AJAP1: variants seen among roughly 807,000 people sequenced by gnomAD.
The protein encoded by AJAP1 is adherens junction-associated protein 1.
A neutral mutation model predicts 35.0 loss-of-function variants in AJAP1; 5 were observed. The ratio of observed to expected loss-of-function variants is 0.14; its 90% CI spans 0.07 to 0.30. The LOEUF (loss-of-function observed/expected upper bound fraction) is 0.30. AJAP1 is among the 10% of genes least tolerant of loss of function. AJAP1 has a pLI of 1.00. For missense variants in AJAP1, 586 were observed against 571.0 expected, an observed-to-expected ratio of 1.03 and a Z score of -0.27; for synonymous variants, 284 against 249.3, an observed-to-expected ratio of 1.14 and a Z score of -1.31.
In AJAP1 at chr1:4,789,310, T is replaced by A. The variant is rs1642216437; in HGVS notation, c.*6825T>A. Reference sequence around the variant, plus strand: ...TTAATGTTCTAAGCCAAGAGAGTTCTAAGCCAAGACATGTGCTTGGGACTG... The same window carrying A: ...TTAATGTTCTAAGCCAAGAGAGTTCAAAGCCAAGACATGTGCTTGGGACTG... On this transcript the variant is annotated 3_prime_UTR_variant, in exon 6 of 6. Transcript: ENST00000378191. This position sits in a 1 kb window ranked among gnomAD's most constrained non-coding sequence, Gnocchi z 4.4. 6.6e-6 allele frequency: 1 copy of A among 152,266 alleles called. No individual in the cohort carries two copies. Among genetic ancestry groups the A allele is most frequent in the South Asian group, 2.1e-4 (1 of 4,834 alleles). The allele number at this position is 152,266 out of a possible 1,614,324, so 9.4% of individuals were successfully genotyped here. A position where few individuals can be genotyped will look rare whatever the true frequency, so the allele number is the denominator to read the frequency against.
At chr1:4,685,636 C>G (rs1185448909) in intron 1 of AJAP1, among the ~76,000 whole-genome samples, 2 of 126,992 alleles carry the variant, frequency 1.6e-5, no homozygotes, top group Admixed American at 1.7e-4. Flanking sequence ...AGCTCATTGC[C>G]GGGACCCAAG....
chr1:4,734,263 T>A lies in AJAP1; in HGVS notation c.829+21564T>A, dbSNP rs1640869026. Among the ~76,000 whole-genome samples, 1 of 152,226 alleles carries A rather than the reference T, an allele frequency of 6.6e-6. No individual in the cohort carries two copies. Among genetic ancestry groups the A allele is most frequent in the Non-Finnish European group, 1.5e-5 (1 of 68,036 alleles). On this transcript the variant is annotated intron_variant, in intron 2 of 5. Coordinates refer to ENST00000378191, the MANE Select transcript of AJAP1 (RefSeq NM_018836.4). The surrounding 1 kb of genome is among the most constrained non-coding windows in gnomAD (Gnocchi z 4.3). ...CCGGAATAGGAAGGGCCTGCCCTAC[T>A]GAGCCTCCTGCCTCACTATTAACAG...
chr1:4,754,914 C>A (rs534965887), intron 2 of AJAP1, among the ~76,000 whole-genome samples: 8 of 152,218 alleles, frequency 5.3e-5, no homozygotes, highest in Admixed American at 5.2e-4. Context: ...ACTCCCTGGG[C>A]CTTTCATGTC....
intron 1 of AJAP1, among the ~76,000 whole-genome samples, chr1:4,701,747 G>A (rs990195549): frequency 6.6e-6 from 1 of 152,204 alleles, no homozygotes; most frequent in African/African-American, 2.4e-5. Flanking sequence ...TAAATGGTCT[G>A]TGGTACCACA....
chr1:4,664,921 C>G (rs1639082700), intron 1 of AJAP1, among the ~76,000 whole-genome samples: 1 of 152,162 alleles, frequency 6.6e-6, no homozygotes, highest in Non-Finnish European at 1.5e-5. Context: ...GATTCAGTTA[C>G]TAGGCAGGGT....
chr1:4,684,861 T>C (rs1639571069), intron 1 of AJAP1, among the ~76,000 whole-genome samples: 1 of 152,134 alleles, frequency 6.6e-6, no homozygotes, highest in Non-Finnish European at 1.5e-5. Flanking sequence ...CCACCAGAGC[T>C]GTCAAAGGGG....
At chr1:4,678,898 ATCC>A (rs1290229647) in intron 1 of AJAP1, among the ~76,000 whole-genome samples, 8 of 152,234 alleles carry the variant, frequency 5.3e-5, no homozygotes, top group Non-Finnish European at 1.0e-4. Context: ...ATCTTATGTA[ATCC>A]TCATAACAAC....
At chr1:4,728,243 A>C (rs1640714988) in intron 2 of AJAP1, among the ~76,000 whole-genome samples, 1 of 152,196 alleles carries the variant, frequency 6.6e-6, no homozygotes, top group Non-Finnish European at 1.5e-5. Flanking sequence ...CTGGAAGCCA[A>C]TGAGACATGG....
chr1:4,746,293 A>G (rs1641186798), intron 2 of AJAP1, among the ~76,000 whole-genome samples: 1 of 152,050 alleles, frequency 6.6e-6, no homozygotes, highest in African/African-American at 2.4e-5. Flanking sequence ...GACACTTGTC[A>G]TTGGATTTAG....
intron 2 of AJAP1, among the ~76,000 whole-genome samples, chr1:4,738,466 C>T (rs1479182226): frequency 1.3e-5 from 2 of 152,188 alleles, no homozygotes; most frequent in African/African-American, 4.8e-5. Flanking sequence ...AGAGAGAGCA[C>T]TCTAGGCGGG....
chr1:4,661,045 A>G (rs1345385218), intron 1 of AJAP1, among the ~76,000 whole-genome samples: 1 of 152,324 alleles, frequency 6.6e-6, no homozygotes, highest in South Asian at 2.1e-4. Context: ...TCAGGGAAAC[A>G]TGAGCCTCAA....
rs187546340 is a variant in AJAP1 at position 4,719,051 on chromosome 1, T to A, written c.829+6352T>A. On this transcript the variant is annotated intron_variant, in intron 2 of 5. Coordinates refer to ENST00000378191, the MANE Select transcript of AJAP1 (RefSeq NM_018836.4). ...TGAATGTCACAAAACCCTGGACTGA[T>A]AACAAATCTGTTTGATATATAGTGG... Among the ~76,000 whole-genome samples, 46 of 152,320 alleles carry A rather than the reference T, an allele frequency of 3.0e-4. No homozygotes were observed. In the East Asian group the frequency reaches 6.0e-3, roughly 20 times the overall value.
chr1:4,708,776 A>G (rs1258826649), intron 1 of AJAP1, among the ~76,000 whole-genome samples: 1 of 152,168 alleles, frequency 6.6e-6, no homozygotes, highest in South Asian at 2.1e-4. Flanking sequence ...AGAAATGAGC[A>G]GTGGCCCCTA....
In AJAP1 at chr1:4,734,654, C is replaced by T. The variant is rs911081528; in HGVS notation, c.829+21955C>T. The stretch of plus-strand genomic sequence containing the variant: ...GTCAGGCCTCGTCACTGCAGGAGCT[C>T]GGACTGCACTGGATGGGGCTGGAGT... On this transcript the variant is annotated intron_variant, in intron 2 of 5. Transcript: ENST00000378191. The surrounding 1 kb of genome is among the most constrained non-coding windows in gnomAD (Gnocchi z 4.3). Among the ~76,000 whole-genome samples, 2 of 152,146 alleles carry T rather than the reference C, an allele frequency of 1.3e-5. No homozygotes were observed. The highest frequency in any genetic ancestry group is 4.8e-5 in the African/African-American group (2 of 41,432).
chr1:4,770,873 A>G (rs1641819122), intron 3 of AJAP1, among the ~76,000 whole-genome samples: 1 of 152,134 alleles, frequency 6.6e-6, no homozygotes, highest in South Asian at 2.1e-4. Flanking sequence ...CGAGGCCTCA[A>G]AGCCACCTCC....
Position 4,790,929 on chromosome 1 carries a change from T to TTTTTGA in AJAP1, c.*8449_*8450insATTTTG, listed in dbSNP as rs1250262773. ...AAGTGTTTCTGTTTTTTTGTTTTTG[T>TTTTTGA]TTTTGTTTTTGTTTTTGTTTTTGTT... On this transcript the variant is annotated 3_prime_UTR_variant, in exon 6 of 6. Coordinates refer to ENST00000378191, the MANE Select transcript of AJAP1 (RefSeq NM_018836.4). The TTTTTGA allele has an allele frequency of 1.3e-5, 2 of 149,746 alleles. No individual in the cohort carries two copies. The highest frequency in any genetic ancestry group is 2.5e-5 in the African/African-American group (1 of 40,476). 9.3% of individuals were successfully genotyped at this position (149,746 alleles called of 1,614,324 possible).
At chr1:4,671,241 C>T (rs1325439472) in intron 1 of AJAP1, among the ~76,000 whole-genome samples, 6 of 151,990 alleles carry the variant, frequency 3.9e-5, no homozygotes, top group South Asian at 2.1e-4. Flanking sequence ...TGGTGGCAGG[C>T]GCCTGCAATC....
chr1:4,769,657 G>C (rs1417597906), intron 2 of AJAP1, among the ~76,000 whole-genome samples, 196 bp from the exon 3 acceptor site: 1 of 152,044 alleles, frequency 6.6e-6, no homozygotes, highest in African/African-American at 2.4e-5. Context: ...CCCCGGGTGA[G>C]AGCAGCCTCA....
At position 4,782,905 on chromosome 1, in the gene AJAP1, C is replaced by T. The variant is rs1210238823; in HGVS notation, c.*420C>T. ...AATACCATTATGTGCCATGTACTGACCCGAAAGGCTCGGCCGCAGAGCCGG... is the reference window on the plus strand; with the variant it reads ...AATACCATTATGTGCCATGTACTGATCCGAAAGGCTCGGCCGCAGAGCCGG... On this transcript the variant is annotated 3_prime_UTR_variant, in exon 6 of 6. Transcript: ENST00000378191. This position sits in a 1 kb window ranked among gnomAD's most constrained non-coding sequence, Gnocchi z 5.3. 1 of 398,542 alleles carries T rather than the reference C, an allele frequency of 2.5e-6. No homozygotes were observed. The highest frequency in any genetic ancestry group is 4.4e-6 in the Non-Finnish European group (1 of 226,040). The allele number at this position is 398,542 out of a possible 1,614,324, so 24.7% of individuals were successfully genotyped here. A position where few individuals can be genotyped will look rare whatever the true frequency, so the allele number is the denominator to read the frequency against.
Sources: allele counts gnomAD v4.1 joint callset (sites outside exome capture counted in the v4.1 genomes callset), GRCh38; gene constraint gnomAD v4.1.1; non-coding constraint Gnocchi (gnomAD v3.1); transcripts MANE v1.5; gene names NCBI Gene and HGNC (gene_info 2026-07-23, HGNC 2026-07-21).